MRPS27: variants seen among roughly 807,000 people sequenced by gnomAD.
MRPS27 encodes the protein small ribosomal subunit protein mS27.
Under a neutral mutation model 48.9 loss-of-function variants are expected in MRPS27, and 43 were observed. The ratio of observed to expected loss-of-function variants is 0.88; its 90% CI spans 0.69 to 1.13. MRPS27 has a LOEUF of 1.13. Ranked by LOEUF, MRPS27 falls within the 50% of genes most tolerant of loss-of-function variation. The pLI is 0.00. For synonymous variants in MRPS27, 188 were observed against 171.9 expected (o/e 1.09, Z -0.73); for missense variants, 467 against 476.3 (o/e 0.98, Z 0.18).
At chr5:72,310,012 T>C (rs1483429499) in intron 2 of MRPS27, among the ~76,000 whole-genome samples, 1 of 152,162 alleles carries the variant, frequency 6.6e-6, no homozygotes, top group Admixed American at 6.5e-5. Context: ...CTGTCTCTAG[T>C]GGGAGCCAGG....
In MRPS27 at chr5:72,238,148, G is replaced by T. The variant is rs375746825; in HGVS notation, c.282-20C>A. On this transcript the variant is annotated intron_variant, in intron 4 of 10. Coordinates refer to ENST00000261413, the MANE Select transcript of MRPS27 (RefSeq NM_015084.3). Reference sequence around the variant, plus strand: ...CGAAACCTAAATAAGCACAAGAAGAGAGAAAACTGGTGTTAACTCTTATAT... The same window carrying T: ...CGAAACCTAAATAAGCACAAGAAGATAGAAAACTGGTGTTAACTCTTATAT... The T allele has an allele frequency of 6.5e-7, 1 of 1,541,080 alleles. No homozygotes were observed. The highest frequency in any genetic ancestry group is 1.4e-5 in the African/African-American group (1 of 73,370).
intron 2 of MRPS27, among the ~76,000 whole-genome samples, chr5:72,299,839 T>C (rs1280762990): frequency 6.6e-6 from 1 of 152,220 alleles, no homozygotes; most frequent in Non-Finnish European, 1.5e-5. Flanking sequence ...CAGCTCATGA[T>C]TTTGTGTCTC....
chr5:72,221,294 G>A (rs1394204764), intron 10 of MRPS27, 146 bp from the exon 11 acceptor site: 7 of 1,024,054 alleles, frequency 6.8e-6, no homozygotes, highest in East Asian at 5.0e-5. Context: ...TAGTGGCCCA[G>A]AATGAAGTCA....
At position 72,219,451 on chromosome 5, in the gene MRPS27, C is replaced by A. The variant is rs1324434665; in HGVS notation, c.*1458G>T. On this transcript the variant is annotated 3_prime_UTR_variant, in exon 11 of 11. Transcript: ENST00000261413. ...GTTTAATGGGGGAGGGTTTAAAGTACACTCCTCAAAATCATAGTAACAATA... is the reference window on the plus strand; with the variant it reads ...GTTTAATGGGGGAGGGTTTAAAGTAAACTCCTCAAAATCATAGTAACAATA... 3 of 152,190 alleles carry A rather than the reference C, an allele frequency of 2.0e-5. No homozygotes were observed. The highest frequency in any genetic ancestry group is 4.4e-5 in the Non-Finnish European group (3 of 68,046). 9.4% of individuals were successfully genotyped at this position (152,190 alleles called of 1,614,324 possible). A position where few individuals can be genotyped will look rare whatever the true frequency, so the allele number is the denominator to read the frequency against.
intron 4 of MRPS27, among the ~76,000 whole-genome samples, chr5:72,266,559 G>A (rs1749111382): frequency 6.6e-6 from 1 of 152,224 alleles, no homozygotes; most frequent in African/African-American, 2.4e-5. Flanking sequence ...AGGAGAAGCA[G>A]CAAAGAAGAT....
At chr5:72,262,370 G>T (rs1379030107) in intron 4 of MRPS27, among the ~76,000 whole-genome samples, 6 of 151,978 alleles carry the variant, frequency 3.9e-5, no homozygotes, top group Non-Finnish European at 8.8e-5. Context: ...GAGGCCCGTT[G>T]TCTTACAGCA....
In MRPS27 at chr5:72,292,203, G is replaced by GTT. The variant is rs1213885749; in HGVS notation, c.281+3326_281+3327dup. Among the ~76,000 whole-genome samples the GTT allele has an allele frequency of 2.1e-3, 193 of 92,138 alleles. 2 individuals carry two copies. The highest frequency in any genetic ancestry group is 9.3e-3 in the South Asian group (26 of 2,784). The allele number at this position is 92,138 out of a possible 152,430, so 60.4% of individuals were successfully genotyped here. A position where few individuals can be genotyped will look rare whatever the true frequency, so the allele number is the denominator to read the frequency against. On this transcript the variant is annotated intron_variant, in intron 4 of 10. Transcript: ENST00000261413. ...TTTTCCTTTTATATGGGTATTACCA[G>GTT]TTTTTTTTTTTTTTTTTTTTTGGCC...
At chr5:72,226,732 C>G (rs1447369637) in intron 8 of MRPS27, among the ~76,000 whole-genome samples, 3 of 151,668 alleles carry the variant, frequency 2.0e-5, no homozygotes, top group Admixed American at 2.0e-4. Context: ...TCCCTTCTTT[C>G]CTTTGAGTTT....
At chr5:72,282,670 G>GTA (rs2112036262) in intron 4 of MRPS27, among the ~76,000 whole-genome samples, 1 of 152,274 alleles carries the variant, frequency 6.6e-6, no homozygotes, top group Admixed American at 6.5e-5. Flanking sequence ...TAAATCTCAT[G>GTA]TATATACAAG....
intron 4 of MRPS27, among the ~76,000 whole-genome samples, chr5:72,271,928 C>A (rs925776028): frequency 2.0e-5 from 3 of 152,148 alleles, no homozygotes; most frequent in Non-Finnish European, 4.4e-5. Flanking sequence ...CACAAAACAG[C>A]CATCCAACGA....
At chr5:72,255,005 T>A (rs1748760388) in intron 4 of MRPS27, among the ~76,000 whole-genome samples, 1 of 146,848 alleles carries the variant, frequency 6.8e-6, no homozygotes, top group Non-Finnish European at 1.5e-5. Flanking sequence ...CCCTACCACA[T>A]CTAAAATGTA....
In MRPS27 at chr5:72,297,652, T is replaced by G; in HGVS notation, c.202A>C (p.Ser68Arg). ...DKTFERKLPV[S>R]SLTISRLIDN... Reference sequence around the variant, plus strand: ...CTTACCCGTGATATTGTTAAAGAACTAACAGGCAACTTTCTCTCAAATGTT... The same window carrying G: ...CTTACCCGTGATATTGTTAAAGAACGAACAGGCAACTTTCTCTCAAATGTT... Residue 68 changes from serine to arginine, a missense_variant, in exon 3 of 11, where the codon AGT becomes CGT. Transcript: ENST00000261413. 6.2e-7 allele frequency: 1 copy of G among 1,601,024 alleles called. No individual in the cohort carries two copies. The highest frequency in any genetic ancestry group is 1.7e-5 in the Admixed American group (1 of 58,954).
intron 4 of MRPS27, among the ~76,000 whole-genome samples, chr5:72,273,056 A>G (rs1749287368): frequency 6.6e-6 from 1 of 152,204 alleles, no homozygotes; most frequent in East Asian, 1.9e-4. Context: ...ATTTCTAGTC[A>G]ACTAGGATCT....
At chr5:72,230,945 T>G (rs1489830013) in intron 7 of MRPS27, among the ~76,000 whole-genome samples, 1 of 152,092 alleles carries the variant, frequency 6.6e-6, no homozygotes, top group African/African-American at 2.4e-5. Context: ...CTGGTCTCTA[T>G]GCTACCATTA....
intron 4 of MRPS27, among the ~76,000 whole-genome samples, chr5:72,257,009 G>T (rs1748827393): frequency 6.6e-6 from 1 of 152,152 alleles, no homozygotes; most frequent in Non-Finnish European, 1.5e-5. Context: ...AAATGGGAGA[G>T]TAAGTATAGG....
At chr5:72,224,034 A>C (rs1303791040) in intron 9 of MRPS27, among the ~76,000 whole-genome samples, 184 bp from the exon 10 acceptor site, 1 of 152,184 alleles carries the variant, frequency 6.6e-6, no homozygotes, top group African/African-American at 2.4e-5. Flanking sequence ...ACCCTATCAG[A>C]TGGCGTGGAA....
At chr5:72,269,388 G>T (rs1267349414) in intron 4 of MRPS27, among the ~76,000 whole-genome samples, 1 of 152,130 alleles carries the variant, frequency 6.6e-6, no homozygotes, top group Non-Finnish European at 1.5e-5. Context: ...TATTCAAACA[G>T]GTATCTGACT....
chr5:72,295,261 T>C (rs1245396837), intron 4 of MRPS27: 6 of 267,870 alleles, frequency 2.2e-5, no homozygotes, highest in Non-Finnish European at 4.2e-5. Flanking sequence ...ATTACATACG[T>C]ACAAGGTTAT....
At chr5:72,276,906 C>T (rs1255462476) in intron 4 of MRPS27, among the ~76,000 whole-genome samples, 2 of 152,088 alleles carry the variant, frequency 1.3e-5, no homozygotes, top group Non-Finnish European at 2.9e-5. Flanking sequence ...TGACGGGCAC[C>T]TGTAGTCCCA....
Sources: gnomAD v4.1 joint callset for allele counts (sites outside exome capture counted in the v4.1 genomes callset) on GRCh38, gnomAD v4.1.1 for gene constraint, MANE v1.5 for transcripts, NCBI Gene and HGNC (gene_info 2026-07-23, HGNC 2026-07-21) for gene names.